TLE4: variants seen among roughly 807,000 people sequenced by gnomAD.
The protein encoded by TLE4 is transducin-like enhancer protein 4.
Under a neutral mutation model 92.8 loss-of-function variants are expected in TLE4, and 8 were observed. The observed-to-expected ratio is 0.09, with a 90% CI of 0.05 to 0.16. TLE4 has a LOEUF of 0.16. Among genes scored for constraint, TLE4 ranks in the 10% least tolerant of loss-of-function variants. The pLI, the probability that TLE4 is intolerant of heterozygous loss-of-function variation, is 1.00. For synonymous variants in TLE4, 371 were observed against 374.1 expected (o/e 0.99, Z 0.10); for missense variants, 675 against 997.6 (o/e 0.68, Z 4.36).
chr9:79,709,798 C>G (rs1331927162), intron 14 of TLE4, 99 bp downstream of exon 14: 15 of 898,496 alleles, frequency 1.7e-5, no homozygotes, highest in Non-Finnish European at 8.4e-6. Flanking sequence ...TGGGGGAGTT[C>G]CCATGACTTG....
At chr9:79,674,417 A>G (rs1460964749) in intron 8 of TLE4, among the ~76,000 whole-genome samples, 1 of 152,184 alleles carries the variant, frequency 6.6e-6, no homozygotes, top group Non-Finnish European at 1.5e-5. Context: ...GCCCATGCTC[A>G]TTATCTCTAT....
chr9:79,697,455 GC>G (rs2068575250), intron 8 of TLE4, among the ~76,000 whole-genome samples: 1 of 151,854 alleles, frequency 6.6e-6, no homozygotes, highest in African/African-American at 2.4e-5. Context: ...TCCTTGTGTG[GC>G]CCAACACTTG....
chr9:79,698,069 C>G (rs2068753187), intron 8 of TLE4, among the ~76,000 whole-genome samples: 1 of 152,132 alleles, frequency 6.6e-6, no homozygotes, highest in African/African-American at 2.4e-5. Flanking sequence ...GTACTAGATG[C>G]TAGGTTGAAT....
chr9:79,720,678 T>A (rs1273743879), intron 16 of TLE4, among the ~76,000 whole-genome samples: 4 of 152,144 alleles, frequency 2.6e-5, no homozygotes. Flanking sequence ...ATTTGCCATC[T>A]GTGCTTGCTA....
intron 4 of TLE4, among the ~76,000 whole-genome samples, chr9:79,591,363 A>G (rs940809156): frequency 2.0e-5 from 3 of 152,210 alleles, no homozygotes; most frequent in Admixed American, 6.5e-5. Flanking sequence ...ACTGCTGTGC[A>G]TATTCAGGCT....
intron 6 of TLE4, chr9:79,649,484 G>A (rs1300647517): frequency 5.7e-6 from 1 of 174,074 alleles, no homozygotes; most frequent in Non-Finnish European, 1.2e-5. Context: ...ACTTTAGATG[G>A]GCAGTTCATC....
chr9:79,719,491 A>AC (rs1479297835), intron 15 of TLE4, among the ~76,000 whole-genome samples: 1 of 152,106 alleles, frequency 6.6e-6, no homozygotes, highest in Non-Finnish European at 1.5e-5. Flanking sequence ...GCTAGGAGGA[A>AC]CTTTTTTTTT....
Position 79,686,710 on chromosome 9 carries a change from G to A in TLE4, c.610-18073G>A, listed in dbSNP as rs578036270. On this transcript the variant is annotated intron_variant, in intron 8 of 19. Coordinates refer to ENST00000376552, the MANE Select transcript of TLE4 (RefSeq NM_007005.6). The stretch of plus-strand genomic sequence containing the variant: ...AGCATTCTTCCCTGGAGCCTTTGGA[G>A]GGAGCATGGTCCTGCCAATGCCTTG... 2.0e-5 allele frequency among the ~76,000 whole-genome samples: 3 copies of A among 152,298 alleles called. No homozygotes were observed. The East Asian group carries it at 5.8e-4, about 29-fold the overall frequency.
At chr9:79,624,642 C>T (rs1283731682) in intron 5 of TLE4, among the ~76,000 whole-genome samples, 2 of 152,182 alleles carry the variant, frequency 1.3e-5, no homozygotes, top group African/African-American at 4.8e-5. Flanking sequence ...CACTGGTGTG[C>T]GTTTCCGGTT....
At chr9:79,578,271 A>G (rs929743192) in intron 4 of TLE4, among the ~76,000 whole-genome samples, 6 of 152,172 alleles carry the variant, frequency 3.9e-5, no homozygotes, top group African/African-American at 1.4e-4. Flanking sequence ...AGATCGGGTT[A>G]GGTTTATTCA....
chr9:79,605,804 T>A (rs768254812), intron 4 of TLE4, among the ~76,000 whole-genome samples: 2 of 152,142 alleles, frequency 1.3e-5, no homozygotes, highest in Non-Finnish European at 2.9e-5. Flanking sequence ...GCACATTGGG[T>A]ACTTTAAAGC....
intron 14 of TLE4, among the ~76,000 whole-genome samples, chr9:79,710,318 C>T (rs2072932123): frequency 6.6e-6 from 1 of 152,226 alleles, no homozygotes; most frequent in Admixed American, 6.5e-5. Context: ...TAATTGGCTT[C>T]ATCTTCCCAG....
At chr9:79,708,508 G>T in intron 12 of TLE4, 85 bp from the exon 13 acceptor site, 1 of 1,313,110 alleles carries the variant, frequency 7.6e-7, no homozygotes, top group South Asian at 1.4e-5. Context: ...TTGAACCATA[G>T]ATTCTATTTT....
At chr9:79,639,761 C>T (rs2056762000) in intron 6 of TLE4, among the ~76,000 whole-genome samples, 1 of 152,100 alleles carries the variant, frequency 6.6e-6, no homozygotes, top group South Asian at 2.1e-4. Context: ...GGCCATATTG[C>T]ATAGCTTATG....
intron 18 of TLE4, 75 bp downstream of exon 18, chr9:79,722,676 G>A: frequency 6.4e-7 from 1 of 1,555,412 alleles, no homozygotes; most frequent in East Asian, 2.2e-5. Context: ...TTATTTCCAA[G>A]TCGAATCCTT....
intron 16 of TLE4, among the ~76,000 whole-genome samples, chr9:79,720,866 C>T (rs1462799795): frequency 2.6e-5 from 4 of 152,132 alleles, no homozygotes; most frequent in African/African-American, 9.7e-5. Context: ...TCTGTTGTCC[C>T]ACCTTTGAGG....
intron 6 of TLE4, among the ~76,000 whole-genome samples, chr9:79,632,823 A>G (rs1011211916): frequency 2.0e-5 from 3 of 152,170 alleles, no homozygotes; most frequent in African/African-American, 7.2e-5. Context: ...TCTTTACTGA[A>G]TAGTGTGCCT....
At chr9:79,636,613 A>C (rs964701144) in intron 6 of TLE4, among the ~76,000 whole-genome samples, 1 of 152,156 alleles carries the variant, frequency 6.6e-6, no homozygotes, top group African/African-American at 2.4e-5. Flanking sequence ...TCAGAGTGTC[A>C]GCTCAGATGT....
At chr9:79,678,716 A>G (rs1355052952) in intron 8 of TLE4, among the ~76,000 whole-genome samples, 2 of 151,816 alleles carry the variant, frequency 1.3e-5, no homozygotes, top group African/African-American at 2.4e-5. Context: ...GGTGTACTGC[A>G]TCCATTAACT....
Sources: gnomAD v4.1 joint callset for allele counts (sites outside exome capture counted in the v4.1 genomes callset) on GRCh38, gnomAD v4.1.1 for gene constraint, MANE v1.5 for transcripts, NCBI Gene and HGNC (gene_info 2026-07-23, HGNC 2026-07-21) for gene names.